SGMS1: variants seen among roughly 807,000 people sequenced by gnomAD.
SGMS1 encodes the protein phosphatidylcholine:ceramide cholinephosphotransferase 1.
SGMS1 carries 13 observed loss-of-function variants against 46.2 expected under a neutral mutation model. That is an observed-to-expected ratio of 0.28 (90% CI 0.18 to 0.45). SGMS1 has a LOEUF of 0.45. Ranked by LOEUF, SGMS1 falls within the 20% of genes least tolerant of loss-of-function variation. The pLI, the probability that SGMS1 is intolerant of heterozygous loss-of-function variation, is 1.00. For synonymous variants in SGMS1, 203 were observed against 187.8 expected (o/e 1.08, Z -0.66); for missense variants, 324 against 519.9 (o/e 0.62, Z 3.66).
chr10:50,387,887 C>G (rs1848704543), intron 6 of SGMS1, among the ~76,000 whole-genome samples: 1 of 152,154 alleles, frequency 6.6e-6, no homozygotes, highest in Non-Finnish European at 1.5e-5. Context: ...GTGGTTACAG[C>G]TTAGTGTTTG....
chr10:50,346,538 T>C (rs1193827728), intron 6 of SGMS1, among the ~76,000 whole-genome samples: 1 of 152,174 alleles, frequency 6.6e-6, no homozygotes, highest in Admixed American at 6.5e-5. Flanking sequence ...GAATACATAC[T>C]ATAATCTCTC....
intron 6 of SGMS1, among the ~76,000 whole-genome samples, chr10:50,345,268 AG>A (rs1210508127): frequency 3.3e-5 from 5 of 152,096 alleles, no homozygotes; most frequent in African/African-American, 1.2e-4. Flanking sequence ...TCTTAATCTC[AG>A]CCCCTCTCGG....
chr10:50,343,105 C>T (rs929451935), intron 7 of SGMS1: 1 of 159,794 alleles, frequency 6.3e-6, no homozygotes. Flanking sequence ...AGCTATGCAG[C>T]CAATTTATAG....
At chr10:50,397,134 T>C (rs1170694865) in intron 6 of SGMS1, among the ~76,000 whole-genome samples, 1 of 152,234 alleles carries the variant, frequency 6.6e-6, no homozygotes, top group Non-Finnish European at 1.5e-5. Flanking sequence ...ATCTAAGATC[T>C]CTGATGTAGT....
chr10:50,484,019 C>G (rs1837499045), intron 3 of SGMS1, among the ~76,000 whole-genome samples: 1 of 151,972 alleles, frequency 6.6e-6, no homozygotes, highest in Non-Finnish European at 1.5e-5. Flanking sequence ...CCAAAGCTAG[C>G]AGGAGACAAA....
chr10:50,483,779 G>A (rs1014550320), intron 3 of SGMS1, among the ~76,000 whole-genome samples: 4 of 152,126 alleles, frequency 2.6e-5, no homozygotes, highest in African/African-American at 7.2e-5. Flanking sequence ...TGATCAACCT[G>A]CTCCTGAATG....
chr10:50,375,453 G>A (rs1276960136), intron 6 of SGMS1, among the ~76,000 whole-genome samples: 3 of 152,154 alleles, frequency 2.0e-5, no homozygotes, highest in African/African-American at 7.2e-5. Context: ...CTATCAACTG[G>A]AGTGGATTCA....
At chr10:50,434,738 A>G (rs12262259) in intron 5 of SGMS1, among the ~76,000 whole-genome samples, 31,224 of 142,600 alleles carry the variant, frequency 0.22, 3,332 homozygotes, top group Admixed American at 0.26. Context: ...AAAAAAAATT[A>G]GCCAGGCGTG....
In SGMS1 at chr10:50,415,314, A is replaced by G. The variant is rs189923856; in HGVS notation, c.-232+18162T>C. 4.9e-3 allele frequency among the ~76,000 whole-genome samples: 746 copies of G among 152,366 alleles called. 5 individuals are homozygous for G. Among genetic ancestry groups the G allele is most frequent in the African/African-American group, 0.015 (617 of 41,588 alleles). ...GTGATTCTGACCAATCTTTTAAAAA[A>G]TGTGATCTACAATTCTGCTAGACAC... On this transcript the variant is annotated intron_variant, in intron 6 of 10. Transcript: ENST00000361781.
At chr10:50,406,674 T>C (rs1019465234) in intron 6 of SGMS1, among the ~76,000 whole-genome samples, 5 of 151,634 alleles carry the variant, frequency 3.3e-5, no homozygotes, top group African/African-American at 1.2e-4. Context: ...AATCTTATCA[T>C]TGCTCCAATC....
chr10:50,456,001 GAA>G (rs1187030904), intron 5 of SGMS1, among the ~76,000 whole-genome samples: 2 of 152,112 alleles, frequency 1.3e-5, no homozygotes, highest in African/African-American at 4.8e-5. Flanking sequence ...TAATCTATGG[GAA>G]GTCCAACCAG....
intron 1 of SGMS1, among the ~76,000 whole-genome samples, chr10:50,593,913 CA>C (rs1244553256): frequency 5.9e-5 from 9 of 152,300 alleles, no homozygotes; most frequent in African/African-American, 1.7e-4. Flanking sequence ...CTGCCATTTA[CA>C]TTCTACTGTG....
intron 3 of SGMS1, among the ~76,000 whole-genome samples, chr10:50,512,512 C>T (rs1837765842): frequency 6.6e-6 from 1 of 152,160 alleles, no homozygotes; most frequent in African/African-American, 2.4e-5. Context: ...CATACCAGTT[C>T]CAAAACCCTC....
chr10:50,341,411 A>G (rs1847819612), intron 7 of SGMS1: 1 of 455,694 alleles, frequency 2.2e-6, no homozygotes, highest in South Asian at 1.5e-5. Flanking sequence ...GATCATGACG[A>G]CTCTGCTTTC....
intron 6 of SGMS1, among the ~76,000 whole-genome samples, chr10:50,378,057 T>C (rs1200862169): frequency 1.3e-5 from 2 of 152,258 alleles, no homozygotes; most frequent in Non-Finnish European, 2.9e-5. Flanking sequence ...ATGCCAGCTC[T>C]TGAAATATTT....
At chr10:50,579,882 G>C (rs966317838) in intron 2 of SGMS1, among the ~76,000 whole-genome samples, 1 of 152,140 alleles carries the variant, frequency 6.6e-6, no homozygotes, top group Non-Finnish European at 1.5e-5. Flanking sequence ...TACACAGCAG[G>C]CCTAGAGAGC....
intron 8 of SGMS1, among the ~76,000 whole-genome samples, chr10:50,318,435 A>C (rs1847383976): frequency 6.6e-6 from 1 of 152,226 alleles, no homozygotes; most frequent in African/African-American, 2.4e-5. Context: ...TTGCTAAAAT[A>C]AAGTGTTATA....
intron 6 of SGMS1, among the ~76,000 whole-genome samples, chr10:50,408,431 T>TAAAAAAAAAAAAAAAAAAAA (rs71029307): frequency 1.1e-5 from 1 of 95,208 alleles, no homozygotes; most frequent in African/African-American, 3.9e-5. Flanking sequence ...CCTCATCTCT[T>TAAAAAAAAAAAAAAAAAAAA]AAAAAAAAAA....
At chr10:50,318,349 C>A (rs1298212003) in intron 8 of SGMS1, among the ~76,000 whole-genome samples, 1 of 152,184 alleles carries the variant, frequency 6.6e-6, no homozygotes, top group Non-Finnish European at 1.5e-5. Flanking sequence ...TCAGTTTTCT[C>A]ACCTGTAAAA....
Sources: gnomAD v4.1 joint callset for allele counts (sites outside exome capture counted in the v4.1 genomes callset) on GRCh38, gnomAD v4.1.1 for gene constraint, MANE v1.5 for transcripts, NCBI Gene and HGNC (gene_info 2026-07-23, HGNC 2026-07-21) for gene names.